COP1: variants seen among roughly 807,000 people sequenced by gnomAD.
COP1 encodes the protein COP1 E3 ubiquitin ligase, also known as E3 ubiquitin-protein ligase COP1.
COP1 carries 24 observed loss-of-function variants against 101.3 expected under a neutral mutation model. The observed-to-expected ratio is 0.24, with a 90% CI of 0.17 to 0.33. The LOEUF is 0.33. Ranked by LOEUF, COP1 falls within the 10% of genes least tolerant of loss-of-function variation. The pLI is 1.00. For synonymous variants in COP1, 347 were observed against 341.9 expected, an observed-to-expected ratio of 1.01 and a Z score of -0.17; for missense variants, 663 against 906.2, an observed-to-expected ratio of 0.73 and a Z score of 3.45.
intron 2 of COP1, among the ~76,000 whole-genome samples, chr1:176,184,056 TG>T (rs1187925731): frequency 6.6e-6 from 1 of 152,018 alleles, no homozygotes; most frequent in Admixed American, 6.6e-5. Flanking sequence ...TTTACATAAC[TG>T]TGGTTAAAAT....
intron 18 of COP1, among the ~76,000 whole-genome samples, chr1:175,956,597 G>A (rs1325209317): frequency 1.3e-5 from 2 of 152,104 alleles, no homozygotes; most frequent in Admixed American, 1.3e-4. Context: ...AATATCAAGT[G>A]TTGGCAAAAA....
chr1:176,085,668 T>C (rs1018671912), intron 10 of COP1, 108 bp downstream of exon 10: 3 of 537,276 alleles, frequency 5.6e-6, no homozygotes, highest in African/African-American at 5.5e-5. Context: ...ATGTCAAAAA[T>C]ACATACTTTT....
chr1:175,997,692 C>G (rs1472111025), intron 15 of COP1, among the ~76,000 whole-genome samples: 2 of 152,188 alleles, frequency 1.3e-5, no homozygotes, highest in East Asian at 3.8e-4. Flanking sequence ...ATCAAAACCA[C>G]AATGAGATAC....
intron 15 of COP1, among the ~76,000 whole-genome samples, chr1:175,990,027 C>T (rs1658029419): frequency 6.6e-6 from 1 of 151,802 alleles, no homozygotes; most frequent in Non-Finnish European, 1.5e-5. Flanking sequence ...TTTATTATTT[C>T]CTTCCTTCTG....
At chr1:176,024,991 C>T (rs917706268) in intron 15 of COP1, among the ~76,000 whole-genome samples, 1 of 152,036 alleles carries the variant, frequency 6.6e-6, no homozygotes, top group South Asian at 2.1e-4. Flanking sequence ...TTTAAAATTA[C>T]CAATTAAATA....
intron 15 of COP1, among the ~76,000 whole-genome samples, chr1:176,007,363 C>T (rs1427868904): frequency 6.6e-6 from 1 of 152,220 alleles, no homozygotes; most frequent in Non-Finnish European, 1.5e-5. Flanking sequence ...CATTCTCCAT[C>T]CAGCTTTGTT....
intron 15 of COP1, among the ~76,000 whole-genome samples, chr1:176,011,368 A>T (rs986718444): frequency 6.6e-6 from 1 of 152,186 alleles, no homozygotes; most frequent in Non-Finnish European, 1.5e-5. Flanking sequence ...AATAATCTAC[A>T]AATATGTATG....
intron 5 of COP1, among the ~76,000 whole-genome samples, chr1:176,161,649 T>C (rs942645134): frequency 4.6e-5 from 7 of 151,838 alleles, no homozygotes; most frequent in African/African-American, 1.7e-4. Flanking sequence ...CATGTGAAAA[T>C]ACCTGCTTTA....
chr1:176,113,288 C>T (rs1685599921), intron 9 of COP1, among the ~76,000 whole-genome samples: 1 of 152,150 alleles, frequency 6.6e-6, no homozygotes, highest in South Asian at 2.1e-4. Flanking sequence ...TTCCACTTCC[C>T]TGATGGTTAG....
chr1:176,044,889 C>G (rs1347462716), intron 12 of COP1, among the ~76,000 whole-genome samples: 1 of 152,178 alleles, frequency 6.6e-6, no homozygotes, highest in Non-Finnish European at 1.5e-5. Context: ...TTTAAACTTT[C>G]TAATCCACGT....
At chr1:175,990,817 G>A (rs1263308526) in intron 15 of COP1, among the ~76,000 whole-genome samples, 2 of 151,630 alleles carry the variant, frequency 1.3e-5, no homozygotes, top group Admixed American at 6.6e-5. Context: ...TACTTACATG[G>A]TATATCTTTT....
intron 9 of COP1, among the ~76,000 whole-genome samples, chr1:176,106,627 A>G (rs1684358419): frequency 6.6e-6 from 1 of 152,154 alleles, no homozygotes; most frequent in African/African-American, 2.4e-5. Flanking sequence ...ACCCAGTGCA[A>G]GAGGACAGCT....
rs1676947792 is a variant in COP1 at position 176,071,226 on chromosome 1, C to T, written c.1277+9926G>A. Among the ~76,000 whole-genome samples, 3 of 152,028 alleles carry T rather than the reference C, an allele frequency of 2.0e-5. No homozygotes were observed. The East Asian group carries it at 5.8e-4, about 29-fold the overall frequency. On this transcript the variant is annotated intron_variant, in intron 11 of 19. Coordinates refer to ENST00000367669, the MANE Select transcript of COP1 (RefSeq NM_022457.7). Reference sequence around the variant, plus strand: ...TAAAAATGTGTGGTACCTCCCCCCTCACTCTCTCTCACTTGCCCCTCCTTT... The same window carrying T: ...TAAAAATGTGTGGTACCTCCCCCCTTACTCTCTCTCACTTGCCCCTCCTTT...
At chr1:176,174,822 G>T (rs1272364297) in intron 3 of COP1, among the ~76,000 whole-genome samples, 4 of 152,018 alleles carry the variant, frequency 2.6e-5, no homozygotes, top group Non-Finnish European at 5.9e-5. Flanking sequence ...TCCCAAGAGT[G>T]CCCTACTTCA....
chr1:175,991,983 T>TA (rs1440030864), intron 15 of COP1, among the ~76,000 whole-genome samples: 2 of 152,216 alleles, frequency 1.3e-5, no homozygotes, highest in African/African-American at 4.8e-5. Flanking sequence ...ATAATAATGG[T>TA]AAAAAGTAAA....
intron 11 of COP1, among the ~76,000 whole-genome samples, chr1:176,047,910 C>T (rs1178086092): frequency 6.6e-6 from 1 of 151,740 alleles, no homozygotes; most frequent in African/African-American, 2.4e-5. Flanking sequence ...CCGATCGCTA[C>T]AAAAAAATGA....
chr1:176,190,725 T>G (rs1363768111), intron 1 of COP1, among the ~76,000 whole-genome samples: 1 of 151,986 alleles, frequency 6.6e-6, no homozygotes, highest in African/African-American at 2.4e-5. Flanking sequence ...GCATCCAAAC[T>G]TATTAAGTGA....
At chr1:175,969,403 C>G (rs1271598920) in intron 18 of COP1, among the ~76,000 whole-genome samples, 1 of 152,130 alleles carries the variant, frequency 6.6e-6, no homozygotes, top group African/African-American at 2.4e-5. Flanking sequence ...TCCACTGAAG[C>G]AGGTCATAAG....
intron 9 of COP1, among the ~76,000 whole-genome samples, chr1:176,108,423 A>T (rs1244904583): frequency 6.6e-6 from 1 of 152,192 alleles, no homozygotes; most frequent in African/African-American, 2.4e-5. Flanking sequence ...CAATCTTTAC[A>T]TAGTACTTAG....
Sources: allele counts gnomAD v4.1 joint callset (sites outside exome capture counted in the v4.1 genomes callset), GRCh38; gene constraint gnomAD v4.1.1; transcripts MANE v1.5; gene names NCBI Gene and HGNC (gene_info 2026-07-23, HGNC 2026-07-21).